The following PTPRD variants were observed in gnomAD, a reference collection of about 807,000 sequenced individuals.
The protein encoded by PTPRD is protein tyrosine phosphatase receptor type D.
PTPRD carries 34 observed loss-of-function variants against 214.5 expected under a neutral mutation model. The ratio of observed to expected loss-of-function variants is 0.16; its 90% CI spans 0.12 to 0.21. PTPRD has a LOEUF of 0.21. Among genes scored for constraint, PTPRD ranks in the 10% least tolerant of loss-of-function variants. The pLI is 1.00. For missense variants in PTPRD, 2,545 were observed against 2,398.7 expected (o/e 1.06, Z -1.27); for synonymous variants, 1,128 against 845.7 (o/e 1.33, Z -5.79).
At chr9:8,998,634 A>AAGTAATATC (rs1439559516) in intron 11 of PTPRD, among the ~76,000 whole-genome samples, 1 of 152,078 alleles carries the variant, frequency 6.6e-6, no homozygotes, top group Non-Finnish European at 1.5e-5. Context: ...ATGGATCAAG[A>AAGTAATATC]AGTAATATCA....
At position 8,484,393 on chromosome 9, in the gene PTPRD, C is replaced by T. The variant is rs747835040; in HGVS notation, c.3154-15G>A. ...TCATAAAGAATCTAAAGAGATAAAA[C>T]CAATAAAAAAAAAATCTGGTTATCA... On this transcript the variant is annotated splice_polypyrimidine_tract_variant and intron_variant, in intron 29 of 45. Transcript: ENST00000381196. The T allele has an allele frequency of 1.5e-5, 24 of 1,582,454 alleles. No homozygotes were observed. The highest frequency in any genetic ancestry group is 2.1e-5 in the Non-Finnish European group (24 of 1,165,606).
chr9:10,560,552 G>C (rs1259687153), intron 2 of PTPRD, among the ~76,000 whole-genome samples: 4 of 152,006 alleles, frequency 2.6e-5, no homozygotes, highest in African/African-American at 9.7e-5. Context: ...AAAACTTAAA[G>C]TATAATAATA....
intron 14 of PTPRD, among the ~76,000 whole-genome samples, chr9:8,596,934 A>C (rs2094507380): frequency 6.6e-6 from 1 of 152,116 alleles, no homozygotes; most frequent in Non-Finnish European, 1.5e-5. Flanking sequence ...AATATCTAAC[A>C]GGATGTCATC....
chr9:8,459,431 T>A (rs10977127), intron 33 of PTPRD, among the ~76,000 whole-genome samples: 2 of 151,924 alleles, frequency 1.3e-5, no homozygotes, highest in East Asian at 1.9e-4. Flanking sequence ...TGGAAAAAAA[T>A]AAAAATCTAT....
intron 2 of PTPRD, among the ~76,000 whole-genome samples, chr9:10,560,340 A>T (rs1373316165): frequency 2.0e-5 from 3 of 151,828 alleles, no homozygotes; most frequent in South Asian, 4.2e-4. Context: ...TTCTCACTCA[A>T]AGGTGGGAAT....
chr9:9,161,768 G>A (rs908863958), intron 10 of PTPRD, among the ~76,000 whole-genome samples: 5 of 151,884 alleles, frequency 3.3e-5, no homozygotes, highest in Non-Finnish European at 7.4e-5. Context: ...ATACATACTT[G>A]TGTATCATAC....
chr9:9,857,650 C>A (rs987744260), intron 5 of PTPRD, among the ~76,000 whole-genome samples: 1 of 152,182 alleles, frequency 6.6e-6, no homozygotes. Flanking sequence ...AAAATGCTTT[C>A]TGCCCATATT....
intron 3 of PTPRD, among the ~76,000 whole-genome samples, chr9:10,211,524 T>C (rs1179517059): frequency 6.6e-6 from 1 of 152,136 alleles, no homozygotes; most frequent in African/African-American, 2.4e-5. Context: ...ATGTACTGAA[T>C]GGTAAATGCC....
chr9:9,116,330 T>C (rs2154458908), intron 10 of PTPRD, among the ~76,000 whole-genome samples: 1 of 152,104 alleles, frequency 6.6e-6, no homozygotes, highest in East Asian at 1.9e-4. Flanking sequence ...ACTTGGATGG[T>C]GCTGGAGGCC....
intron 35 of PTPRD, among the ~76,000 whole-genome samples, chr9:8,413,002 T>G (rs563045210): frequency 6.6e-6 from 1 of 152,198 alleles, no homozygotes; most frequent in African/African-American, 2.4e-5. Context: ...CGACTGATAT[T>G]ACAACATCAT....
intron 12 of PTPRD, among the ~76,000 whole-genome samples, chr9:8,673,356 T>C (rs1052278082): frequency 2.0e-5 from 3 of 152,234 alleles, no homozygotes; most frequent in East Asian, 1.9e-4. Flanking sequence ...ATCTGCCTAA[T>C]TATAAGCTTA....
intron 35 of PTPRD, among the ~76,000 whole-genome samples, chr9:8,432,149 C>G (rs985890040): frequency 6.6e-6 from 1 of 152,220 alleles, no homozygotes; most frequent in African/African-American, 2.4e-5. Context: ...ATTCACCAGC[C>G]TAATATATGG....
intron 7 of PTPRD, among the ~76,000 whole-genome samples, chr9:9,620,741 C>G (rs1182876138): frequency 2.0e-5 from 3 of 152,028 alleles, no homozygotes; most frequent in African/African-American, 2.4e-5. Context: ...TATATGTTAG[C>G]TCTTCATTTC....
At chr9:8,395,791 C>T (rs1249104856) in intron 36 of PTPRD, among the ~76,000 whole-genome samples, 2 of 152,000 alleles carry the variant, frequency 1.3e-5, no homozygotes, top group African/African-American at 4.8e-5. Flanking sequence ...CCCCACACTG[C>T]TGAGGAGGCT....
chr9:8,564,177 T>C (rs1439521730), intron 14 of PTPRD, among the ~76,000 whole-genome samples: 2 of 152,148 alleles, frequency 1.3e-5, no homozygotes, highest in Non-Finnish European at 2.9e-5. Context: ...CTGTGTTTCC[T>C]GATTATTTTT....
At chr9:10,212,372 A>G (rs777452949) in intron 3 of PTPRD, among the ~76,000 whole-genome samples, 13 of 152,146 alleles carry the variant, frequency 8.5e-5, no homozygotes, top group Non-Finnish European at 1.5e-4. Context: ...TATAATAAGT[A>G]AATTATGAAG....
At chr9:9,614,966 A>G (rs560578444) in intron 7 of PTPRD, among the ~76,000 whole-genome samples, 1 of 152,134 alleles carries the variant, frequency 6.6e-6, no homozygotes, top group Non-Finnish European at 1.5e-5. Flanking sequence ...AGGTGATGTT[A>G]AGCTTTCTCA....
intron 11 of PTPRD, among the ~76,000 whole-genome samples, chr9:8,879,264 G>T (rs1367547186): frequency 6.6e-6 from 1 of 152,142 alleles, no homozygotes; most frequent in East Asian, 1.9e-4. Flanking sequence ...CTATTTCATT[G>T]TTCCTGTTAT....
chr9:9,668,390 G>C (rs1021569157), intron 7 of PTPRD, among the ~76,000 whole-genome samples: 4 of 152,090 alleles, frequency 2.6e-5, no homozygotes, highest in Non-Finnish European at 5.9e-5. Flanking sequence ...AGTCTTCAAA[G>C]TCTAAATTAG....
Sources: gnomAD v4.1 joint callset for allele counts (sites outside exome capture counted in the v4.1 genomes callset) on GRCh38, gnomAD v4.1.1 for gene constraint, MANE v1.5 for transcripts, NCBI Gene and HGNC (gene_info 2026-07-23, HGNC 2026-07-21) for gene names.